The following SLC35F3 variants were observed in gnomAD, a reference collection of about 807,000 sequenced individuals.
SLC35F3 encodes the protein solute carrier family 35 member F3, also known as putative thiamine transporter SLC35F3.
Under a neutral mutation model 49.9 loss-of-function variants are expected in SLC35F3, and 25 were observed. The observed-to-expected ratio is 0.50, with a 90% CI of 0.37 to 0.70. The LOEUF is 0.70. Ranked by LOEUF, SLC35F3 falls within the 30% of genes least tolerant of loss-of-function variation. The probability of loss-of-function intolerance (pLI) is 0.00; values close to 1 mark genes in which losing one functional copy is unlikely to be tolerated. For missense variants in SLC35F3, 525 were observed against 639.8 expected (o/e 0.82, Z 1.94); for synonymous variants, 275 against 265.4 (o/e 1.04, Z -0.35).
chr1:234,230,744 T>G (rs762771675), intron 2 of SLC35F3, among the ~76,000 whole-genome samples: 2 of 151,970 alleles, frequency 1.3e-5, no homozygotes. Flanking sequence ...CTGCCAGAGG[T>G]TGTGGTTTTT....
At chr1:234,081,595 A>G (rs534446462) in intron 2 of SLC35F3, among the ~76,000 whole-genome samples, 14 of 152,266 alleles carry the variant, frequency 9.2e-5, no homozygotes, top group African/African-American at 3.4e-4. Flanking sequence ...ATTCAACCCT[A>G]TTCTTTGCTT....
At chr1:234,067,544 C>A (rs1299406700) in intron 2 of SLC35F3, among the ~76,000 whole-genome samples, 1 of 152,172 alleles carries the variant, frequency 6.6e-6, no homozygotes, top group Admixed American at 6.5e-5. Flanking sequence ...GCCTAAGAAG[C>A]AACTTTTGAG....
chr1:233,907,491 A>G lies in SLC35F3; in HGVS notation c.283+1733A>G, dbSNP rs1414874476. ...CTGAGGCTTCACTGGAAGAGTAAAT[A>G]GTAGCAGGGAAGGCTACAGTGATCA... On this transcript the variant is annotated intron_variant, in intron 2 of 7. Transcript: ENST00000366618. Among the ~76,000 whole-genome samples the G allele has an allele frequency of 2.0e-5, 3 of 152,234 alleles. 1 individual carries two copies. The highest frequency in any genetic ancestry group is 4.1e-4 in the South Asian group (2 of 4,830).
intron 2 of SLC35F3, among the ~76,000 whole-genome samples, chr1:234,091,872 T>C (rs1665048764): frequency 6.6e-6 from 1 of 152,214 alleles, no homozygotes; most frequent in South Asian, 2.1e-4. Context: ...TATTGGCTGT[T>C]TTCCCCACGC....
intron 2 of SLC35F3, among the ~76,000 whole-genome samples, chr1:234,062,638 A>G (rs1444426983): frequency 1.3e-5 from 2 of 152,016 alleles, no homozygotes; most frequent in African/African-American, 4.8e-5. Context: ...GAAATAATTA[A>G]GAGATTTCTG....
In SLC35F3 at chr1:234,318,619, T is replaced by A. The variant is rs917381944; in HGVS notation, c.955-132T>A. The A allele has an allele frequency of 3.2e-5, 24 of 739,562 alleles. No individual in the cohort carries two copies. The African/African-American group carries it at 3.9e-4, about 12-fold the overall frequency. 45.8% of individuals were successfully genotyped at this position (739,562 alleles called of 1,614,324 possible). On this transcript the variant is annotated intron_variant, in intron 5 of 7. Coordinates refer to ENST00000366618, the MANE Select transcript of SLC35F3 (RefSeq NM_173508.4). Reference sequence around the variant, plus strand: ...GCAAATGAACACAGGCCAAACCCCATGGAATTCACCTGGAATCTGGTTTCC... The same window carrying A: ...GCAAATGAACACAGGCCAAACCCCAAGGAATTCACCTGGAATCTGGTTTCC...
intron 2 of SLC35F3, among the ~76,000 whole-genome samples, chr1:234,045,356 T>C (rs1664273781): frequency 6.6e-6 from 1 of 152,224 alleles, no homozygotes; most frequent in South Asian, 2.1e-4. Context: ...CTTATAATTA[T>C]AGCTAATGTT....
intron 2 of SLC35F3, among the ~76,000 whole-genome samples, chr1:233,996,746 G>A (rs150989933): frequency 0.021 from 3,184 of 152,258 alleles, 41 homozygotes; most frequent in South Asian, 0.061. Context: ...GCTCTGTGCC[G>A]AATGGCACTT....
chr1:234,012,275 G>T (rs1333476370), intron 2 of SLC35F3, among the ~76,000 whole-genome samples: 1 of 152,220 alleles, frequency 6.6e-6, no homozygotes, highest in Non-Finnish European at 1.5e-5. Context: ...ATGTACAATT[G>T]GGTTTTATAC....
At chr1:234,038,170 G>A (rs1455819640) in intron 2 of SLC35F3, among the ~76,000 whole-genome samples, 1 of 140,792 alleles carries the variant, frequency 7.1e-6, no homozygotes, top group East Asian at 2.1e-4. Flanking sequence ...GTGTCCATGT[G>A]TTCTCACTGT....
intron 2 of SLC35F3, among the ~76,000 whole-genome samples, chr1:234,003,144 GGAAACCAAGATCT>G (rs1310193739): frequency 6.8e-6 from 1 of 147,472 alleles, no homozygotes; most frequent in Non-Finnish European, 1.5e-5. Context: ...GAGTGGTGTT[GGAAACCAAGATCT>G]GTGTGAATCT....
chr1:234,196,343 G>C (rs931265343), intron 2 of SLC35F3, among the ~76,000 whole-genome samples: 4 of 152,210 alleles, frequency 2.6e-5, no homozygotes, highest in African/African-American at 7.2e-5. Flanking sequence ...CTGCTACCCT[G>C]GGCACACTGC....
chr1:234,214,153 C>A lies in SLC35F3; in HGVS notation c.284-17264C>A. 1 of 1,058,466 alleles carries A rather than the reference C, an allele frequency of 9.4e-7. No homozygotes were observed. The highest frequency in any genetic ancestry group is 1.1e-6 in the Non-Finnish European group (1 of 878,320). 65.6% of individuals were successfully genotyped at this position (1,058,466 alleles called of 1,614,324 possible). ...GATGAGGGCTGCGGGGCTGGGCGTC[C>A]CGGGGAGGAGGGCGGAGCAGGTGAG... On this transcript the variant is annotated intron_variant, in intron 2 of 7. Coordinates refer to ENST00000366618, the MANE Select transcript of SLC35F3 (RefSeq NM_173508.4). This position sits in a 1 kb window ranked among gnomAD's most constrained non-coding sequence, Gnocchi z 8.0.
At chr1:234,122,857 G>A (rs550683655) in intron 2 of SLC35F3, among the ~76,000 whole-genome samples, 1 of 152,062 alleles carries the variant, frequency 6.6e-6, no homozygotes, top group Non-Finnish European at 1.5e-5. Context: ...TTTTCTTTAT[G>A]CAGTCTATCA....
At chr1:234,063,340 A>G (rs1320975773) in intron 2 of SLC35F3, among the ~76,000 whole-genome samples, 1 of 152,210 alleles carries the variant, frequency 6.6e-6, no homozygotes. Context: ...GTAAGTGTGA[A>G]TGCATCTAAA....
intron 2 of SLC35F3, among the ~76,000 whole-genome samples, chr1:234,215,243 G>C (rs986411659): frequency 6.6e-6 from 1 of 152,186 alleles, no homozygotes; most frequent in Non-Finnish European, 1.5e-5. Flanking sequence ...CCTCCTCCCC[G>C]TGTTGTCCTT....
chr1:234,262,013 A>C (rs963891519), intron 3 of SLC35F3, among the ~76,000 whole-genome samples: 12 of 152,212 alleles, frequency 7.9e-5, no homozygotes, highest in African/African-American at 2.9e-4. Flanking sequence ...ACCCCAGGAC[A>C]GTTGCCTGGT....
intron 2 of SLC35F3, among the ~76,000 whole-genome samples, chr1:233,909,010 C>G (rs973155262): frequency 1.3e-5 from 2 of 151,076 alleles, no homozygotes; most frequent in Non-Finnish European, 2.9e-5. Flanking sequence ...AGGCACCCAC[C>G]ACCATGCCCG....
intron 2 of SLC35F3, among the ~76,000 whole-genome samples, chr1:234,221,661 G>A (rs926856967): frequency 9.2e-5 from 14 of 152,142 alleles, no homozygotes; most frequent in Non-Finnish European, 1.3e-4. Context: ...CCTTTTTGGC[G>A]CATAATACAT....
Sources: gnomAD v4.1 joint callset for allele counts (sites outside exome capture counted in the v4.1 genomes callset) on GRCh38, gnomAD v4.1.1 for gene constraint, Gnocchi (gnomAD v3.1) non-coding constraint, MANE v1.5 for transcripts, NCBI Gene and HGNC (gene_info 2026-07-23, HGNC 2026-07-21) for gene names.